The following LPCAT1 variants were observed in gnomAD, a reference collection of about 807,000 sequenced individuals.
The protein encoded by LPCAT1 is 1-acylglycerol-3-phosphate O-acyltransferase.
In LPCAT1, 23 loss-of-function variants were observed where a neutral mutation model predicts 60.9. That is an observed-to-expected ratio of 0.38 (90% CI 0.27 to 0.53). LPCAT1 has a LOEUF of 0.53. Ranked by LOEUF, LPCAT1 falls within the 20% of genes least tolerant of loss-of-function variation. The probability of loss-of-function intolerance (pLI) is 0.82; values close to 1 mark genes in which losing one functional copy is unlikely to be tolerated. For synonymous variants in LPCAT1, 340 were observed against 301.1 expected (o/e 1.13, Z -1.34); for missense variants, 622 against 723.6 (o/e 0.86, Z 1.61).
At chr5:1,484,543 A>G (rs991933644) in intron 5 of LPCAT1, among the ~76,000 whole-genome samples, 1 of 152,148 alleles carries the variant, frequency 6.6e-6, no homozygotes, top group African/African-American at 2.4e-5. Flanking sequence ...AGCGAGTGCC[A>G]CTATGTGGTC....
chr5:1,521,777 C>T lies in LPCAT1; in HGVS notation c.135+1933G>A, dbSNP rs1483934606. Among the ~76,000 whole-genome samples the T allele has an allele frequency of 1.3e-5, 2 of 152,144 alleles. No homozygotes were observed. The highest frequency in any genetic ancestry group is 4.8e-5 in the African/African-American group (2 of 41,434). Reference sequence around the variant, plus strand: ...TGCCCAAAGCCTTCAATCTCGGGACCAGGAGCCTCTCGATGACCCCCTGCC... The same window carrying T: ...TGCCCAAAGCCTTCAATCTCGGGACTAGGAGCCTCTCGATGACCCCCTGCC... On this transcript the variant is annotated intron_variant, in intron 1 of 13. Transcript: ENST00000283415. The surrounding 1 kb of genome is among the most constrained non-coding windows in gnomAD (Gnocchi z 4.3).
chr5:1,464,768 C>T (rs556989147), intron 13 of LPCAT1, among the ~76,000 whole-genome samples: 23 of 124,482 alleles, frequency 1.8e-4, no homozygotes, highest in Non-Finnish European at 2.7e-4. Context: ...AGCACACACA[C>T]GGTAACCAAA....
rs1162671417 is a variant in LPCAT1, at chr5:1,523,452, G to A, written c.135+258C>T. On this transcript the variant is annotated intron_variant, in intron 1 of 13. Coordinates refer to ENST00000283415, the MANE Select transcript of LPCAT1 (RefSeq NM_024830.5). The surrounding 1 kb of genome is among the most constrained non-coding windows in gnomAD (Gnocchi z 7.1). Reference sequence around the variant, plus strand: ...GCAGAACGCGGGGCGGGGATGGGAAGCGGGGACCCCGAGGAAGGCGCTGAG... The same window carrying A: ...GCAGAACGCGGGGCGGGGATGGGAAACGGGGACCCCGAGGAAGGCGCTGAG... Among the ~76,000 whole-genome samples, 1 of 151,772 alleles carries A rather than the reference G, an allele frequency of 6.6e-6. No individual in the cohort carries two copies. The highest frequency in any genetic ancestry group is 1.5e-5 in the Non-Finnish European group (1 of 67,870).
intron 1 of LPCAT1, among the ~76,000 whole-genome samples, chr5:1,507,306 T>C (rs1023850965): frequency 6.6e-6 from 1 of 152,118 alleles, no homozygotes; most frequent in Admixed American, 6.5e-5. Context: ...GAAATGCCAG[T>C]TGGAGGAAGC....
chr5:1,479,717 GGGTT>G, intron 7 of LPCAT1, 42 bp from the exon 8 acceptor site: 2 of 1,472,834 alleles, frequency 1.4e-6, no homozygotes, highest in Non-Finnish European at 9.5e-7. Context: ...TTTACAACTC[GGGTT>G]AACAAGTAAA....
At position 1,496,545 on chromosome 5, in the gene LPCAT1, GT is replaced by G. The variant is rs1735801404; in HGVS notation, c.279-1632del. Among the ~76,000 whole-genome samples, 1 of 152,116 alleles carries G rather than the reference GT, an allele frequency of 6.6e-6. No individual in the cohort carries two copies. Among genetic ancestry groups the G allele is most frequent in the African/African-American group, 2.4e-5 (1 of 41,420 alleles). On this transcript the variant is annotated intron_variant, in intron 2 of 13. Coordinates refer to ENST00000283415, the MANE Select transcript of LPCAT1 (RefSeq NM_024830.5). The surrounding 1 kb of genome is among the most constrained non-coding windows in gnomAD (Gnocchi z 4.7). ...GAGGCTGCGGCGGGCACAGGAGCCA[GT>G]CTCGGGCAGGTTCAGGGGCAGGAGA...
At position 1,522,657 on chromosome 5, in the gene LPCAT1, C is replaced by T. The variant is rs934611617; in HGVS notation, c.135+1053G>A. 6.6e-6 allele frequency among the ~76,000 whole-genome samples: 1 copy of T among 152,234 alleles called. No individual in the cohort carries two copies. Among genetic ancestry groups the T allele is most frequent in the Non-Finnish European group, 1.5e-5 (1 of 68,032 alleles). ...CTCAAGAACTTTTCACTTCAGGGTT[C>T]TTTCAGATAAAGTACTTTATGCATT... On this transcript the variant is annotated intron_variant, in intron 1 of 13. Transcript: ENST00000283415. This position sits in a 1 kb window ranked among gnomAD's most constrained non-coding sequence, Gnocchi z 6.8.
At position 1,523,684 on chromosome 5, in the gene LPCAT1, C is replaced by G; in HGVS notation, c.135+26G>C. On this transcript the variant is annotated intron_variant, in intron 1 of 13. Coordinates refer to ENST00000283415, the MANE Select transcript of LPCAT1 (RefSeq NM_024830.5). The surrounding 1 kb of genome is among the most constrained non-coding windows in gnomAD (Gnocchi z 7.1). ...CATCCCTGGCGTCCGCGCCGGCTCC[C>G]GGGGCCGCGCGCCCTGGGCACCCAC... 9.2e-7 allele frequency: 1 copy of G among 1,083,978 alleles called. No individual in the cohort carries two copies. The highest frequency in any genetic ancestry group is 1.1e-6 in the Non-Finnish European group (1 of 893,256). 67.1% of individuals were successfully genotyped at this position (1,083,978 alleles called of 1,614,324 possible). A position where few individuals can be genotyped will look rare whatever the true frequency, so the allele number is the denominator to read the frequency against.
chr5:1,467,533 C>T (rs1222134601), intron 12 of LPCAT1, among the ~76,000 whole-genome samples: 11 of 152,138 alleles, frequency 7.2e-5, no homozygotes, highest in Non-Finnish European at 1.6e-4. Context: ...GGCCCAGTGC[C>T]GAGGCGCCTG....
At chr5:1,515,726 C>A (rs1260660139) in intron 1 of LPCAT1, among the ~76,000 whole-genome samples, 2 of 152,174 alleles carry the variant, frequency 1.3e-5, no homozygotes, top group Non-Finnish European at 2.9e-5. Flanking sequence ...ACACTACGGG[C>A]AAATACAGGG....
At position 1,498,603 on chromosome 5, in the gene LPCAT1, G is replaced by A. The variant is rs1182332579; in HGVS notation, c.278+2858C>T. Among the ~76,000 whole-genome samples the A allele has an allele frequency of 3.3e-5, 5 of 151,992 alleles. No individual in the cohort carries two copies. In the South Asian group the frequency reaches 6.3e-4, roughly 19 times the overall value. On this transcript the variant is annotated intron_variant, in intron 2 of 13. Transcript: ENST00000283415. ...TATGTACATACATCATACATATGTG[G>A]ACACCTGTACACACGTACACTTGCA...
rs115528083 is a variant in LPCAT1 at position 1,509,633 on chromosome 5, G to A, written c.136-8030C>T. Among the ~76,000 whole-genome samples, 1,418 of 152,218 alleles carry A rather than the reference G, an allele frequency of 9.3e-3. 22 individuals carry two copies. The highest frequency in any genetic ancestry group is 0.033 in the African/African-American group (1,367 of 41,496). ...CGTCCAGCACCCACAGACACAAACCGAGCAAGGCAGCAGCAGGAAACGCCC... is the reference window on the plus strand; with the variant it reads ...CGTCCAGCACCCACAGACACAAACCAAGCAAGGCAGCAGCAGGAAACGCCC... On this transcript the variant is annotated intron_variant, in intron 1 of 13. Coordinates refer to ENST00000283415, the MANE Select transcript of LPCAT1 (RefSeq NM_024830.5).
chr5:1,472,833 G>C (rs930757649), intron 11 of LPCAT1, among the ~76,000 whole-genome samples: 2 of 152,084 alleles, frequency 1.3e-5, no homozygotes, highest in African/African-American at 4.8e-5. Context: ...TCGCATCCGA[G>C]ACACTGTTTC....
intron 13 of LPCAT1, among the ~76,000 whole-genome samples, chr5:1,465,967 C>A (rs71595047): frequency 6.6e-6 from 1 of 152,252 alleles, no homozygotes; most frequent in Non-Finnish European, 1.5e-5. Context: ...GTGCGCACAT[C>A]CGCACTCCCG....
At chr5:1,479,737 C>G in intron 7 of LPCAT1, 62 bp from the exon 8 acceptor site, 2 of 1,311,100 alleles carry the variant, frequency 1.5e-6, no homozygotes, top group Non-Finnish European at 2.2e-6. Flanking sequence ...GTAAATTACT[C>G]CCAATTCTGG....
At chr5:1,503,305 C>G (rs539552083) in intron 1 of LPCAT1, among the ~76,000 whole-genome samples, 3 of 152,350 alleles carry the variant, frequency 2.0e-5, no homozygotes, top group East Asian at 3.9e-4. Context: ...CATCGTGTTA[C>G]TGGCATTCAG....
At chr5:1,505,350 G>C (rs1736149667) in intron 1 of LPCAT1, among the ~76,000 whole-genome samples, 1 of 152,088 alleles carries the variant, frequency 6.6e-6, no homozygotes, top group African/African-American at 2.4e-5. Context: ...CGGTGTTCCT[G>C]AAACAGCACC....
Position 1,495,079 on chromosome 5 carries a change from C to T in LPCAT1, c.279-165G>A, listed in dbSNP as rs780108392. On this transcript the variant is annotated intron_variant, in intron 2 of 13. Transcript: ENST00000283415. The surrounding 1 kb of genome is among the most constrained non-coding windows in gnomAD (Gnocchi z 4.7). ...ATCTGCTTGAGGGAAGAAAAGACGC[C>T]GCGCCTTCCTGGCCTCCGCCTGTGT... is the stretch of plus-strand genomic sequence containing the variant. 7.2e-5 allele frequency among the ~76,000 whole-genome samples: 11 copies of T among 152,204 alleles called. 1 individual carries two copies. Among genetic ancestry groups the T allele is most frequent in the African/African-American group, 2.4e-5 (1 of 41,442 alleles).
intron 1 of LPCAT1, among the ~76,000 whole-genome samples, chr5:1,520,223 C>T (rs1178623953): frequency 6.6e-6 from 1 of 152,270 alleles, no homozygotes; most frequent in Non-Finnish European, 1.5e-5. Flanking sequence ...ATGCTGGACT[C>T]AGGAGCGAGG....
Sources: gnomAD v4.1 joint callset for allele counts (sites outside exome capture counted in the v4.1 genomes callset) on GRCh38, gnomAD v4.1.1 for gene constraint, Gnocchi (gnomAD v3.1) non-coding constraint, MANE v1.5 for transcripts, NCBI Gene and HGNC (gene_info 2026-07-23, HGNC 2026-07-21) for gene names.